The following SOX6 variants were observed in gnomAD, a reference collection of about 807,000 sequenced individuals.
SOX6 encodes the protein SRY-box transcription factor 6.
Under a neutral mutation model 97.8 loss-of-function variants are expected in SOX6, and 11 were observed. The ratio of observed to expected loss-of-function variants is 0.11; its 90% confidence interval spans 0.07 to 0.19. SOX6 has a LOEUF of 0.19. Ranked by LOEUF, SOX6 falls within the 10% of genes least tolerant of loss-of-function variation. The pLI, the probability that SOX6 is intolerant of heterozygous loss-of-function variation, is 1.00. For missense variants in SOX6, 810 were observed against 1,039.5 expected (o/e 0.78, Z 3.04); for synonymous variants, 360 against 371.4 (o/e 0.97, Z 0.35).
chr11:16,464,705 T>C (rs1175238739), intron 1 of SOX6, among the ~76,000 whole-genome samples: 3 of 152,174 alleles, frequency 2.0e-5, no homozygotes, highest in East Asian at 1.9e-4. Context: ...AGGTCTCCAA[T>C]ATACAATATC....
chr11:16,563,332 C>T (rs1202353301), intron 4 of SOX6, among the ~76,000 whole-genome samples: 1 of 152,110 alleles, frequency 6.6e-6, no homozygotes, highest in East Asian at 1.9e-4. Context: ...TTAGTTCTAG[C>T]TACTCAAGAG....
intron 4 of SOX6, among the ~76,000 whole-genome samples, chr11:16,485,364 T>C (rs1204010150): frequency 1.3e-5 from 2 of 151,670 alleles, no homozygotes; most frequent in African/African-American, 2.4e-5. Context: ...AGTGGGAGGG[T>C]CGTTTAAGGT....
chr11:16,609,018 C>G (rs1178361992), intron 4 of SOX6, among the ~76,000 whole-genome samples: 1 of 152,034 alleles, frequency 6.6e-6, no homozygotes, highest in East Asian at 1.9e-4. Flanking sequence ...TAAAGATTCC[C>G]TTTGAGTCAT....
intron 12 of SOX6, among the ~76,000 whole-genome samples, chr11:16,021,956 T>A (rs2133871492): frequency 6.6e-6 from 1 of 152,256 alleles, no homozygotes; most frequent in South Asian, 2.1e-4. Flanking sequence ...AAAAGAATTT[T>A]TATATGGGTT....
chr11:16,172,760 GA>G (rs1446753548), intron 6 of SOX6, among the ~76,000 whole-genome samples: 4 of 151,966 alleles, frequency 2.6e-5, no homozygotes, highest in Non-Finnish European at 4.4e-5. Context: ...TATGGAAAAT[GA>G]AAAGGCAGAA....
intron 12 of SOX6, among the ~76,000 whole-genome samples, chr11:16,039,942 T>A (rs955415622): frequency 1.6e-4 from 25 of 151,886 alleles, no homozygotes; most frequent in African/African-American, 6.0e-4. Flanking sequence ...AGAGATTACA[T>A]CTAGAAGAGA....
intron 1 of SOX6, among the ~76,000 whole-genome samples, chr11:16,429,840 A>T (rs1859236156): frequency 6.6e-6 from 1 of 152,158 alleles, no homozygotes; most frequent in Admixed American, 6.5e-5. Context: ...ATAAATAAAT[A>T]AATAAGGTCT....
chr11:16,304,061 A>G (rs1018320653), intron 3 of SOX6, among the ~76,000 whole-genome samples: 4 of 151,962 alleles, frequency 2.6e-5, no homozygotes, highest in African/African-American at 9.7e-5. Flanking sequence ...GATTACAAGC[A>G]CACGCCACCA....
At chr11:16,292,254 C>T (rs773598549) in intron 3 of SOX6, among the ~76,000 whole-genome samples, 5 of 151,964 alleles carry the variant, frequency 3.3e-5, no homozygotes, top group Non-Finnish European at 5.9e-5. Context: ...AAAGAAATTG[C>T]CACTAATTAA....
chr11:16,084,211 A>G (rs1848531299), intron 9 of SOX6, among the ~76,000 whole-genome samples: 1 of 152,082 alleles, frequency 6.6e-6, no homozygotes, highest in East Asian at 1.9e-4. Flanking sequence ...ATATATATGT[A>G]CATACACACA....
chr11:16,093,715 G>T (rs1848738405), intron 9 of SOX6, among the ~76,000 whole-genome samples: 1 of 151,914 alleles, frequency 6.6e-6, no homozygotes, highest in South Asian at 2.1e-4. Context: ...TCATGATCAT[G>T]TTTCTTGACA....
chr11:16,688,711 T>A (rs761703481), intron 3 of SOX6, among the ~76,000 whole-genome samples: 2 of 152,226 alleles, frequency 1.3e-5, no homozygotes, highest in Non-Finnish European at 2.9e-5. Flanking sequence ...TACTTTTTAA[T>A]GTCATTTTTG....
chr11:16,147,549 T>A (rs1162129998), intron 6 of SOX6, among the ~76,000 whole-genome samples: 1 of 152,030 alleles, frequency 6.6e-6, no homozygotes, highest in Non-Finnish European at 1.5e-5. Context: ...CACAAAATGT[T>A]TCCTTAAAGG....
intron 1 of SOX6, among the ~76,000 whole-genome samples, chr11:16,410,176 TA>T (rs1372330750): frequency 6.6e-6 from 1 of 152,194 alleles, no homozygotes; most frequent in African/African-American, 2.4e-5. Flanking sequence ...GTGTATCCCA[TA>T]AATACATATA....
intron 4 of SOX6, among the ~76,000 whole-genome samples, chr11:16,603,835 A>T (rs912695257): frequency 1.9e-4 from 29 of 152,126 alleles, no homozygotes; most frequent in African/African-American, 6.0e-4. Context: ...TTAAAAAAAA[A>T]TCCAAGACAA....
intron 3 of SOX6, among the ~76,000 whole-genome samples, chr11:16,622,546 T>C (rs1848560130): frequency 6.6e-6 from 1 of 152,214 alleles, no homozygotes; most frequent in Non-Finnish European, 1.5e-5. Flanking sequence ...TGAGTTACTC[T>C]GCTTACAATA....
intron 3 of SOX6, among the ~76,000 whole-genome samples, chr11:16,261,755 A>G (rs1853905940): frequency 1.3e-5 from 2 of 152,068 alleles, no homozygotes; most frequent in Non-Finnish European, 2.9e-5. Flanking sequence ...TTAAGTAATC[A>G]CCAGGATTTT....
intron 4 of SOX6, among the ~76,000 whole-genome samples, chr11:16,193,046 G>A (rs1851671846): frequency 6.6e-6 from 1 of 152,154 alleles, no homozygotes; most frequent in South Asian, 2.1e-4. Flanking sequence ...GATATTCTCT[G>A]AAAGGGAGTC....
intron 13 of SOX6, among the ~76,000 whole-genome samples, chr11:15,998,689 G>GA (rs1854306175): frequency 6.6e-6 from 1 of 152,020 alleles, no homozygotes; most frequent in South Asian, 2.1e-4. Context: ...GAAAACGATA[G>GA]TTTTTTCAAC....
Sources: allele counts gnomAD v4.1 joint callset (sites outside exome capture counted in the v4.1 genomes callset), GRCh38; gene constraint gnomAD v4.1.1; transcripts MANE v1.5; gene names NCBI Gene and HGNC (gene_info 2026-07-23, HGNC 2026-07-21).